C1QTNF3: variants seen among roughly 807,000 people sequenced by gnomAD.
C1QTNF3 encodes the protein C1q and TNF related 3.
In C1QTNF3, 26 loss-of-function variants were observed where a neutral mutation model predicts 32.6. The observed-to-expected ratio is 0.80, with a 90% CI of 0.58 to 1.11. The LOEUF (loss-of-function observed/expected upper bound fraction) is 1.11. Ranked by LOEUF, C1QTNF3 falls within the 50% of genes least tolerant of loss-of-function variation. The pLI is 0.00. For synonymous variants in C1QTNF3, 155 were observed against 146.0 expected (o/e 1.06, Z -0.44); for missense variants, 362 against 398.2 (o/e 0.91, Z 0.77).
chr5:34,048,604 T>C, the C1QTNF3 span, among the ~76,000 whole-genome samples: 1 of 151,066 alleles, frequency 6.6e-6, no homozygotes. Context: ...AGAAGAATTC[T>C]GGGAATATAG....
At chr5:34,209,945 AT>A in the C1QTNF3 span, among the ~76,000 whole-genome samples, 2 of 152,058 alleles carry the variant, frequency 1.3e-5, no homozygotes, top group African/African-American at 4.8e-5. Flanking sequence ...TTATTTTTGA[AT>A]TTTCTAAAGG....
chr5:34,059,593 G>A, the C1QTNF3 span, among the ~76,000 whole-genome samples: 1 of 152,034 alleles, frequency 6.6e-6, no homozygotes, highest in African/African-American at 2.4e-5. Flanking sequence ...TCCTTTATAG[G>A]GGCACTAATC....
chr5:34,136,058 A>G, the C1QTNF3 span, among the ~76,000 whole-genome samples: 16 of 152,158 alleles, frequency 1.1e-4, no homozygotes, highest in Non-Finnish European at 2.2e-4. Context: ...AGGCAATACC[A>G]TTCAGGACAT....
At chr5:34,136,268 T>C in the C1QTNF3 span, among the ~76,000 whole-genome samples, 1 of 152,278 alleles carries the variant, frequency 6.6e-6, no homozygotes, top group Non-Finnish European at 1.5e-5. Context: ...AGGGCTAATA[T>C]ACAGAATCTA....
the C1QTNF3 span, among the ~76,000 whole-genome samples, chr5:34,089,442 G>A: frequency 6.6e-6 from 1 of 152,098 alleles, no homozygotes; most frequent in Non-Finnish European, 1.5e-5. Context: ...TGGAATTGGT[G>A]CTCTTATAAA....
At chr5:34,108,293 G>A in the C1QTNF3 span, among the ~76,000 whole-genome samples, 1 of 151,990 alleles carries the variant, frequency 6.6e-6, no homozygotes, top group Non-Finnish European at 1.5e-5. Flanking sequence ...GTTCTTTGGA[G>A]TCAAGAGTAT....
chr5:34,053,169 A>G, the C1QTNF3 span, among the ~76,000 whole-genome samples: 5 of 152,190 alleles, frequency 3.3e-5, no homozygotes, highest in South Asian at 1.0e-3. Flanking sequence ...CACTGGATTC[A>G]GCAAATAATG....
chr5:34,081,457 T>C, the C1QTNF3 span, among the ~76,000 whole-genome samples: 1 of 151,738 alleles, frequency 6.6e-6, no homozygotes, highest in Non-Finnish European at 1.5e-5. Flanking sequence ...TCAACACTGA[T>C]CTATCAGTGC....
At chr5:34,112,528 G>T in the C1QTNF3 span, among the ~76,000 whole-genome samples, 1 of 151,840 alleles carries the variant, frequency 6.6e-6, no homozygotes, top group African/African-American at 2.4e-5. Context: ...AGCCAAGCCT[G>T]GTGGTATGTA....
At chr5:34,184,339 G>C in the C1QTNF3 span, among the ~76,000 whole-genome samples, 3 of 152,296 alleles carry the variant, frequency 2.0e-5, no homozygotes, top group African/African-American at 7.2e-5. Context: ...ATGAAAAAAA[G>C]CCCAATATCG....
At chr5:34,237,294 A>G in the C1QTNF3 span, among the ~76,000 whole-genome samples, 6 of 152,204 alleles carry the variant, frequency 3.9e-5, no homozygotes, top group Middle Eastern at 3.2e-3. Context: ...ACCCTCCTTG[A>G]GCACTTATTT....
At chr5:34,056,454 G>GTATATATATATATATATA in the C1QTNF3 span, among the ~76,000 whole-genome samples, 1 of 48,962 alleles carries the variant, frequency 2.0e-5, no homozygotes, top group Non-Finnish European at 3.6e-5. Flanking sequence ...GTGTGTGTGT[G>GTATATATATATATATATA]TATATATATA....
At chr5:34,079,117 T>A in the C1QTNF3 span, among the ~76,000 whole-genome samples, 1 of 151,448 alleles carries the variant, frequency 6.6e-6, no homozygotes, top group Non-Finnish European at 1.5e-5. Flanking sequence ...TAAAAACACA[T>A]AAACTAATGA....
the C1QTNF3 span, among the ~76,000 whole-genome samples, chr5:34,177,589 C>T: frequency 7.4e-5 from 11 of 148,750 alleles, no homozygotes; most frequent in Non-Finnish European, 1.0e-4. Flanking sequence ...CCAGTTCAAG[C>T]GATTCTCCTG....
the C1QTNF3 span, among the ~76,000 whole-genome samples, chr5:34,203,665 GAC>G: frequency 6.6e-6 from 1 of 151,356 alleles, no homozygotes; most frequent in Non-Finnish European, 1.5e-5. Flanking sequence ...CAATCTGGAT[GAC>G]AGAGTGAAAC....
At chr5:34,025,273 C>G (rs555666593) in intron 4 of C1QTNF3, among the ~76,000 whole-genome samples, 22 of 152,298 alleles carry the variant, frequency 1.4e-4, no homozygotes, top group Middle Eastern at 3.4e-3. Flanking sequence ...TAGACACATA[C>G]ACACACATAA....
chr5:34,230,576 T>C, the C1QTNF3 span, among the ~76,000 whole-genome samples: 1 of 152,214 alleles, frequency 6.6e-6, no homozygotes. Flanking sequence ...TAATCCATTA[T>C]ATCCAAAATA....
chr5:34,162,420 T>C, the C1QTNF3 span, among the ~76,000 whole-genome samples: 1 of 152,150 alleles, frequency 6.6e-6, no homozygotes, highest in African/African-American at 2.4e-5. Flanking sequence ...TATTAGGCCC[T>C]AACTCCCAAC....
chr5:34,134,514 A>G, the C1QTNF3 span, among the ~76,000 whole-genome samples: 2 of 152,194 alleles, frequency 1.3e-5, no homozygotes, highest in East Asian at 3.8e-4. Flanking sequence ...CAAATAAAAT[A>G]AAAATAAAAA....
Sources: gnomAD v4.1 joint callset for allele counts (sites outside exome capture counted in the v4.1 genomes callset) on GRCh38, gnomAD v4.1.1 for gene constraint, MANE v1.5 for transcripts, NCBI Gene and HGNC (gene_info 2026-07-23, HGNC 2026-07-21) for gene names.